Variants in KCNQ3 observed in about 807,000 individuals in gnomAD.
KCNQ3 encodes the protein potassium voltage-gated channel subfamily KQT member 3.
Under a neutral mutation model 92.5 loss-of-function variants are expected in KCNQ3, and 30 were observed. The ratio of observed to expected loss-of-function variants is 0.32; its 90% CI spans 0.24 to 0.44. The LOEUF is 0.44. KCNQ3 is among the 20% of genes least tolerant of loss of function. The pLI, the probability that KCNQ3 is intolerant of heterozygous loss-of-function variation, is 1.00. For synonymous variants in KCNQ3, 450 were observed against 468.8 expected (o/e 0.96, Z 0.52); for missense variants, 913 against 1,140.3 (o/e 0.80, Z 2.87).
chr8:132,301,607 C>T (rs1817218357), intron 1 of KCNQ3, among the ~76,000 whole-genome samples: 1 of 152,168 alleles, frequency 6.6e-6, no homozygotes, highest in Admixed American at 6.5e-5. Context: ...AATGGGAATA[C>T]TGAACCAAGG....
chr8:132,422,272 A>G (rs1820988043), intron 1 of KCNQ3, among the ~76,000 whole-genome samples: 1 of 152,140 alleles, frequency 6.6e-6, no homozygotes, highest in Non-Finnish European at 1.5e-5. Context: ...GACTTCCAGA[A>G]TAAATCCAGA....
chr8:132,268,918 C>A (rs1351013700), intron 1 of KCNQ3, among the ~76,000 whole-genome samples: 2 of 152,142 alleles, frequency 1.3e-5, no homozygotes, highest in Admixed American at 1.3e-4. Context: ...TGGATTATGG[C>A]CATTCTAAGT....
intron 1 of KCNQ3, among the ~76,000 whole-genome samples, chr8:132,472,109 A>C (rs1448611854): frequency 6.6e-6 from 1 of 152,190 alleles, no homozygotes; most frequent in Non-Finnish European, 1.5e-5. Flanking sequence ...GGCAAAAAAT[A>C]ACAGATGCTG....
chr8:132,430,933 A>G (rs554479833), intron 1 of KCNQ3, among the ~76,000 whole-genome samples: 11 of 152,192 alleles, frequency 7.2e-5, no homozygotes, highest in African/African-American at 2.6e-4. Context: ...TCAAGCGTCC[A>G]TATCCTTCTC....
At chr8:132,247,414 T>A (rs1314388623) in intron 1 of KCNQ3, among the ~76,000 whole-genome samples, 6 of 152,192 alleles carry the variant, frequency 3.9e-5, no homozygotes. Flanking sequence ...CACCACAAAA[T>A]AACCTTGTTA....
chr8:132,333,149 C>T (rs1818276195), intron 1 of KCNQ3, among the ~76,000 whole-genome samples: 1 of 152,114 alleles, frequency 6.6e-6, no homozygotes, highest in Non-Finnish European at 1.5e-5. Context: ...TGGGTATGTG[C>T]ACTTTGTAAG....
intron 1 of KCNQ3, among the ~76,000 whole-genome samples, chr8:132,316,335 A>C (rs1817742058): frequency 6.6e-6 from 1 of 152,004 alleles, no homozygotes; most frequent in Non-Finnish European, 1.5e-5. Context: ...ATTACTCACC[A>C]CCTCACAGAG....
At chr8:132,265,401 A>G (rs1815948641) in intron 1 of KCNQ3, among the ~76,000 whole-genome samples, 1 of 152,206 alleles carries the variant, frequency 6.6e-6, no homozygotes, top group Non-Finnish European at 1.5e-5. Context: ...GAGTCTACCC[A>G]TCACTTCCAG....
chr8:132,178,329 C>CA (rs1826637687), intron 4 of KCNQ3, among the ~76,000 whole-genome samples: 1 of 152,106 alleles, frequency 6.6e-6, no homozygotes, highest in South Asian at 2.1e-4. Context: ...GTAGCACAGA[C>CA]AAAAAATAAA....
At chr8:132,184,670 A>G (rs1826906467) in intron 2 of KCNQ3, among the ~76,000 whole-genome samples, 1 of 152,156 alleles carries the variant, frequency 6.6e-6, no homozygotes, top group East Asian at 1.9e-4. Context: ...TCAGCTTTAA[A>G]AGTCCCTTTA....
intron 3 of KCNQ3, 95 bp from the exon 4 acceptor site, chr8:132,180,424 A>C: frequency 7.4e-7 from 1 of 1,356,820 alleles, no homozygotes; most frequent in South Asian, 1.2e-5. Context: ...CTGGCAGATC[A>C]GCATGTGCCA....
intron 1 of KCNQ3, among the ~76,000 whole-genome samples, chr8:132,318,698 A>T (rs1349728590): frequency 6.6e-6 from 1 of 152,200 alleles, no homozygotes; most frequent in Non-Finnish European, 1.5e-5. Context: ...CCTGAAAAGG[A>T]GTTACCATCA....
intron 1 of KCNQ3, among the ~76,000 whole-genome samples, chr8:132,389,834 A>G (rs970632620): frequency 6.6e-5 from 10 of 152,316 alleles, no homozygotes; most frequent in African/African-American, 2.4e-4. Flanking sequence ...CGAGTATAAA[A>G]TGCTACACCC....
chr8:132,144,602 GA>G, intron 9 of KCNQ3, among the ~76,000 whole-genome samples: 1 of 152,188 alleles, frequency 6.6e-6, no homozygotes, highest in Non-Finnish European at 1.5e-5. Context: ...ACTGGGCATG[GA>G]AAAGGAAAAT....
chr8:132,427,038 T>C (rs1257556107), intron 1 of KCNQ3, among the ~76,000 whole-genome samples: 1 of 152,198 alleles, frequency 6.6e-6, no homozygotes, highest in African/African-American at 2.4e-5. Context: ...TGGTGCTTGG[T>C]GCAGGAAGGG....
intron 1 of KCNQ3, among the ~76,000 whole-genome samples, chr8:132,251,224 A>G (rs1815396808): frequency 6.6e-6 from 1 of 152,106 alleles, no homozygotes; most frequent in Non-Finnish European, 1.5e-5. Context: ...CCATGAGTGC[A>G]CCACTGCACT....
rs76333112 is a variant in KCNQ3, at chr8:132,351,454, A to G, written c.386+128693T>C. Among the ~76,000 whole-genome samples the G allele has an allele frequency of 3.0e-4, 46 of 152,314 alleles. No homozygotes were observed. In the South Asian group the frequency reaches 4.4e-3, roughly 14 times the overall value. On this transcript the variant is annotated intron_variant, in intron 1 of 14. Transcript: ENST00000388996. Reference sequence around the variant, plus strand: ...AACTCTCTAATTTCTACGAAAGTCAACCTCACTCAGAGACTGACGGGCTCA... The same window carrying G: ...AACTCTCTAATTTCTACGAAAGTCAGCCTCACTCAGAGACTGACGGGCTCA...
At chr8:132,156,757 G>A (rs1434745053) in intron 9 of KCNQ3, among the ~76,000 whole-genome samples, 5 of 152,118 alleles carry the variant, frequency 3.3e-5, no homozygotes, top group African/African-American at 7.2e-5. Flanking sequence ...CAATACTTGG[G>A]AACATGACTT....
chr8:132,432,758 A>C (rs961751614), intron 1 of KCNQ3, among the ~76,000 whole-genome samples: 14 of 152,174 alleles, frequency 9.2e-5, no homozygotes, highest in African/African-American at 3.1e-4. Flanking sequence ...TTACCAAGCA[A>C]TATTGCAATC....
Sources: gnomAD v4.1 joint callset for allele counts (sites outside exome capture counted in the v4.1 genomes callset) on GRCh38, gnomAD v4.1.1 for gene constraint, MANE v1.5 for transcripts, NCBI Gene and HGNC (gene_info 2026-07-23, HGNC 2026-07-21) for gene names.